ALG13: variants seen among roughly 807,000 people sequenced by gnomAD.
The protein encoded by ALG13 is ALG13 UDP-N-acetylglucosaminyltransferase subunit, also known as UDP-N-acetylglucosamine transferase subunit ALG13.
A neutral mutation model predicts 87.8 loss-of-function variants in ALG13; 11 were observed. The observed-to-expected ratio is 0.13, with a 90% confidence interval of 0.08 to 0.21. The LOEUF is 0.21. Ranked by LOEUF, ALG13 falls within the 10% of genes least tolerant of loss-of-function variation. The pLI is 1.00. For missense variants in ALG13, 756 were observed against 866.1 expected, an observed-to-expected ratio of 0.87 and a Z score of 1.60; for synonymous variants, 320 against 306.3, an observed-to-expected ratio of 1.04 and a Z score of -0.47.
chrX:111,748,122 G>A (rs1181712021), intron 24 of ALG13, among the ~76,000 whole-genome samples: 1 of 112,042 alleles, frequency 8.9e-6, no homozygotes, highest in East Asian at 2.8e-4. Flanking sequence ...AAGATGTTTG[G>A]CCCATTTTTA....
At chrX:111,683,575 G>A (rs971793245) in intron 2 of ALG13, among the ~76,000 whole-genome samples, 2 of 108,944 alleles carry the variant, frequency 1.8e-5, no homozygotes, top group African/African-American at 6.7e-5. Context: ...CTGAGCTCAG[G>A]CAATCCACCT....
chrX:111,730,408 A>G lies in ALG13; in HGVS notation c.2382A>G (p.Glu794=). Reference sequence around the variant, plus strand: ...TTTTTTCCCCAGGGCGATATCATGAAGAATATCTTTATCGTGCAGGTCAGT... The same window carrying G: ...TTTTTTCCCCAGGGCGATATCATGAGGAATATCTTTATCGTGCAGGTCAGT... ...NGQSENGRYH[E]EYLYRAEPDY... is the part of the protein sequence containing the mutation. The change falls in exon 20 of 27, where the codon GAA becomes GAG. Residue 794 remains glutamate (E), a synonymous_variant. Coordinates refer to ENST00000394780, the MANE Select transcript of ALG13 (RefSeq NM_001099922.3). 8.3e-7 allele frequency: 1 copy of G among 1,208,361 alleles called. No homozygotes were observed. Among genetic ancestry groups the G allele is most frequent in the Non-Finnish European group, 1.1e-6 (1 of 892,519 alleles).
intron 19 of ALG13, 128 bp downstream of exon 19, chrX:111,728,433 A>G (rs1299608193): frequency 3.9e-6 from 3 of 765,429 alleles, no homozygotes; most frequent in East Asian, 3.5e-5. Context: ...AAAGATTTAT[A>G]TAAGTTCTTA....
Position 111,725,132 on chromosome X carries a change from A to G in ALG13, c.1729+71A>G, listed in dbSNP as rs911693281. ...TGCTTTTACTTACCTGCATTGTACTATTTTTTAAATGTATGTCATATGTCT... is the reference window on the plus strand; with the variant it reads ...TGCTTTTACTTACCTGCATTGTACTGTTTTTTAAATGTATGTCATATGTCT... On this transcript the variant is annotated intron_variant, in intron 15 of 26. Transcript: ENST00000394780. 17 of 1,108,574 alleles carry G rather than the reference A, an allele frequency of 1.5e-5. No individual in the cohort carries two copies. In the Admixed American group the frequency reaches 3.7e-4, roughly 24 times the overall value. The allele number at this position is 1,108,574 out of a possible 1,213,427, so 91.4% of individuals were successfully genotyped here. A position where few individuals can be genotyped will look rare whatever the true frequency, so the allele number is the denominator to read the frequency against.
intron 12 of ALG13, 120 bp downstream of exon 12, chrX:111,721,831 A>T: frequency 2.2e-6 from 1 of 445,225 alleles, no homozygotes. Context: ...GATGCTTTTT[A>T]TCTTACTTTA....
rs749202824 is a variant in ALG13 at position 111,744,838 on chromosome X, C to G, written c.2866C>G (p.Gln956Glu). The G allele has an allele frequency of 1.9e-5, 22 of 1,152,385 alleles. No homozygotes were observed. The South Asian group carries it at 2.8e-4, about 14-fold the overall frequency. 95.0% of individuals were successfully genotyped at this position (1,152,385 alleles called of 1,213,427 possible). The change falls in exon 24 of 27, where the codon CAA (glutamine) becomes GAA (glutamate). Residue 956 changes from glutamine (Q) to glutamate (E), a missense_variant. Coordinates refer to ENST00000394780, the MANE Select transcript of ALG13 (RefSeq NM_001099922.3). ...TGATGTGGGAGAGACTTCAAACTTA[C>G]AACCACCACCACCACTACCACCTCC... is the stretch of plus-strand genomic sequence containing the variant. ...ALDVGETSNLQPPPPLPPPPY... is the reference protein window; with the variant it reads ...ALDVGETSNLEPPPPLPPPPY...
rs957957942 is a variant in ALG13, at chrX:111,760,088, A to G, written c.*89A>G. On this transcript the variant is annotated 3_prime_UTR_variant, in exon 27 of 27. Transcript: ENST00000394780. ...TTTTATGTTAGTGGTTAAATGATTT[A>G]GGTGATTAGTGTTTACTATTGTATT... The G allele has an allele frequency of 1.1e-6, 1 of 914,843 alleles. No homozygotes were observed. Among genetic ancestry groups the G allele is most frequent in the Non-Finnish European group, 1.5e-6 (1 of 670,745 alleles). 75.4% of individuals were successfully genotyped at this position (914,843 alleles called of 1,213,427 possible).
chrX:111,741,075 A>G, intron 23 of ALG13, among the ~76,000 whole-genome samples: 1 of 112,420 alleles, frequency 8.9e-6, no homozygotes, highest in Non-Finnish European at 1.9e-5. Flanking sequence ...GATGTTATAG[A>G]TGTCCCAAAG....
chrX:111,681,456 C>A, intron 1 of ALG13, 157 bp downstream of exon 1: 1 of 1,092,985 alleles, frequency 9.1e-7, no homozygotes. Context: ...CTTCTGCCCA[C>A]GCCCGGCGGG....
intron 23 of ALG13, among the ~76,000 whole-genome samples, chrX:111,744,391 A>G (rs990010561): frequency 8.9e-6 from 1 of 111,785 alleles, no homozygotes; most frequent in Non-Finnish European, 1.9e-5. Context: ...CTGTTAGCTA[A>G]ATGTTCAAAG....
chrX:111,735,325 A>G (rs1349629887), intron 22 of ALG13, among the ~76,000 whole-genome samples: 2 of 112,158 alleles, frequency 1.8e-5, no homozygotes, highest in African/African-American at 6.5e-5. Context: ...ACACTGTTCT[A>G]TGTGCTGGCT....
intron 1 of ALG13, chrX:111,681,622 G>T (rs965491377): frequency 4.3e-6 from 4 of 928,377 alleles, no homozygotes; most frequent in Non-Finnish European, 5.3e-6. Flanking sequence ...CAACGGCTCC[G>T]CCCCTCCGAG....
intron 3 of ALG13, among the ~76,000 whole-genome samples, chrX:111,701,947 T>C (rs1286030008): frequency 1.8e-5 from 2 of 111,981 alleles, no homozygotes; most frequent in Non-Finnish European, 3.8e-5. Flanking sequence ...AGAAGCATTT[T>C]GTCTAATTCC....
chrX:111,750,106 T>C (rs1180982981), intron 24 of ALG13, among the ~76,000 whole-genome samples: 2 of 111,991 alleles, frequency 1.8e-5, no homozygotes, highest in African/African-American at 6.5e-5. Context: ...GTGAACTCTA[T>C]GTAGCAGGTT....
At chrX:111,707,734 C>A (rs1309862489) in intron 3 of ALG13, among the ~76,000 whole-genome samples, 1 of 111,678 alleles carries the variant, frequency 9.0e-6, no homozygotes. Context: ...ATTCTTCAAG[C>A]AATGTAATGT....
rs186728179 is a variant in ALG13 at position 111,724,740 on chromosome X, C to T, written c.1602-194C>T. ...CACAGTCTTTCTTCTGAAATGTCAT[C>T]GGTACTAGAAACAGCAGTGAAATTG... On this transcript the variant is annotated intron_variant, in intron 14 of 26. Transcript: ENST00000394780. Among the ~76,000 whole-genome samples, 27 of 112,188 alleles carry T rather than the reference C, an allele frequency of 2.4e-4. No homozygotes were observed. In the East Asian group the frequency reaches 7.6e-3, roughly 31 times the overall value.
chrX:111,737,847 C>T (rs1202211029), intron 23 of ALG13, among the ~76,000 whole-genome samples: 1 of 112,447 alleles, frequency 8.9e-6, no homozygotes, highest in Non-Finnish European at 1.9e-5. Flanking sequence ...TAACCTCTAA[C>T]TCTTCAAAAT....
chrX:111,754,682 A>G (rs1019297685), intron 25 of ALG13, among the ~76,000 whole-genome samples: 2 of 111,668 alleles, frequency 1.8e-5, no homozygotes, highest in Non-Finnish European at 3.8e-5. Context: ...CAATTGCTAC[A>G]AAGAGAATAA....
At position 111,687,852 on chromosome X, in the gene ALG13, C is replaced by T. The variant is rs369113643; in HGVS notation, c.383+2749C>T. On this transcript the variant is annotated intron_variant, in intron 3 of 26. Transcript: ENST00000394780. ...AGCAGATGAAGTATGGAATTTTCTC[C>T]CATGTTACCTAATATTTTTCTTCTT... The T allele has an allele frequency of 7.5e-5, 84 of 1,119,356 alleles. No individual in the cohort carries two copies. The African/African-American group carries it at 1.4e-3, about 19-fold the overall frequency. The allele number at this position is 1,119,356 out of a possible 1,213,427, so 92.2% of individuals were successfully genotyped here. A position where few individuals can be genotyped will look rare whatever the true frequency, so the allele number is the denominator to read the frequency against.
Sources: allele counts gnomAD v4.1 joint callset (sites outside exome capture counted in the v4.1 genomes callset), GRCh38; gene constraint gnomAD v4.1.1; transcripts MANE v1.5; gene names NCBI Gene and HGNC (gene_info 2026-07-23, HGNC 2026-07-21).